Variants in MAF observed in about 807,000 individuals in gnomAD.
MAF encodes the protein transcription factor Maf.
MAF carries 10 observed loss-of-function variants against 22.0 expected under a neutral mutation model. The observed-to-expected ratio is 0.45, with a 90% CI of 0.28 to 0.77. The LOEUF is 0.77. Ranked by LOEUF, MAF falls within the 30% of genes least tolerant of loss-of-function variation. The probability of loss-of-function intolerance (pLI) is 0.12; values close to 1 mark genes in which losing one functional copy is unlikely to be tolerated. For missense variants in MAF, 544 were observed against 548.4 expected (o/e 0.99, Z 0.08); for synonymous variants, 337 against 255.8 (o/e 1.32, Z -3.03).
the MAF span, among the ~76,000 whole-genome samples, chr16:79,325,201 C>T: frequency 1.3e-5 from 2 of 152,092 alleles, no homozygotes; most frequent in Non-Finnish European, 2.9e-5. Flanking sequence ...GGGGGAACAC[C>T]GTTCAATCCA....
At chr16:79,235,460 G>T in the MAF span, among the ~76,000 whole-genome samples, 1 of 151,962 alleles carries the variant, frequency 6.6e-6, no homozygotes, top group Non-Finnish European at 1.5e-5. Context: ...TACACTGGAG[G>T]GAGGCTGAGG....
chr16:79,364,018 G>A, the MAF span, among the ~76,000 whole-genome samples: 1 of 152,098 alleles, frequency 6.6e-6, no homozygotes, highest in Non-Finnish European at 1.5e-5. Flanking sequence ...TGCCCGAAAA[G>A]CAACTCAAAG....
chr16:79,320,824 G>T, the MAF span, among the ~76,000 whole-genome samples: 28 of 152,298 alleles, frequency 1.8e-4, no homozygotes, highest in South Asian at 5.8e-3. Flanking sequence ...TGTGTTAAGT[G>T]TTTTATATAT....
downstream of MAF, among the ~76,000 whole-genome samples, chr16:79,585,078 T>C (rs1056598470): frequency 1.3e-5 from 2 of 152,150 alleles, no homozygotes; most frequent in East Asian, 3.8e-4. Context: ...AAAAATCAAA[T>C]GTACCATTAG....
the MAF span, among the ~76,000 whole-genome samples, chr16:79,300,003 A>G: frequency 6.6e-6 from 1 of 152,210 alleles, no homozygotes; most frequent in Non-Finnish European, 1.5e-5. Flanking sequence ...GTGATTGTGC[A>G]GGCTAGGGAG....
chr16:79,424,548 C>A, the MAF span, among the ~76,000 whole-genome samples: 1 of 152,100 alleles, frequency 6.6e-6, no homozygotes, highest in African/African-American at 2.4e-5. Context: ...GAATTCTATT[C>A]ATTTGTTTCT....
the MAF span, among the ~76,000 whole-genome samples, chr16:79,344,575 T>C: frequency 2.6e-5 from 4 of 152,170 alleles, no homozygotes; most frequent in Admixed American, 2.0e-4. Context: ...CTCAGACACA[T>C]TCAATCAAGT....
At chr16:79,403,834 C>T in the MAF span, among the ~76,000 whole-genome samples, 1 of 152,162 alleles carries the variant, frequency 6.6e-6, no homozygotes, top group East Asian at 1.9e-4. Flanking sequence ...AGGGACAGCA[C>T]TTTGAGGCTC....
chr16:79,284,945 G>A, the MAF span, among the ~76,000 whole-genome samples: 1 of 152,134 alleles, frequency 6.6e-6, no homozygotes, highest in Non-Finnish European at 1.5e-5. Flanking sequence ...AAGGCACGCG[G>A]CTCTCTTTAC....
intron 1 of MAF, chr16:79,596,131 C>CTA (rs1372763973): frequency 1.9e-6 from 2 of 1,062,290 alleles, no homozygotes; most frequent in African/African-American, 3.3e-5. Flanking sequence ...GCTCCTCTGT[C>CTA]TATGGATGGC....
At chr16:79,386,110 C>G in the MAF span, among the ~76,000 whole-genome samples, 1 of 152,100 alleles carries the variant, frequency 6.6e-6, no homozygotes, top group Non-Finnish European at 1.5e-5. Context: ...TTTTTGGCAC[C>G]AGGGACTGGT....
At chr16:79,503,338 T>A in the MAF span, among the ~76,000 whole-genome samples, 1 of 152,204 alleles carries the variant, frequency 6.6e-6, no homozygotes, top group Non-Finnish European at 1.5e-5. Context: ...AAAGCGACCA[T>A]CATTTAGATA....
chr16:79,373,268 T>G, the MAF span, among the ~76,000 whole-genome samples: 1 of 150,590 alleles, frequency 6.6e-6, no homozygotes, highest in Non-Finnish European at 1.5e-5. Context: ...GTGGGACCTT[T>G]AAGTGGTGAT....
At chr16:79,492,153 G>T in the MAF span, among the ~76,000 whole-genome samples, 1 of 152,276 alleles carries the variant, frequency 6.6e-6, no homozygotes, top group Non-Finnish European at 1.5e-5. Context: ...TTGAGGACCG[G>T]GTGCCTAACG....
At chr16:79,302,629 T>A in the MAF span, among the ~76,000 whole-genome samples, 1 of 152,236 alleles carries the variant, frequency 6.6e-6, no homozygotes, top group Admixed American at 6.5e-5. Context: ...AGTTTGGTAA[T>A]GAATGTGGCT....
the MAF span, among the ~76,000 whole-genome samples, chr16:79,552,498 C>T: frequency 1.3e-5 from 2 of 152,214 alleles, no homozygotes; most frequent in African/African-American, 4.8e-5. Flanking sequence ...TATAAGCCAC[C>T]TGTTCTCCCT....
At chr16:79,338,055 G>T in the MAF span, among the ~76,000 whole-genome samples, 35 of 152,282 alleles carry the variant, frequency 2.3e-4, no homozygotes, top group African/African-American at 8.4e-4. Context: ...TGTCTTTGAG[G>T]AGCCCATAGT....
the MAF span, among the ~76,000 whole-genome samples, chr16:79,291,925 TG>T: frequency 6.6e-6 from 1 of 151,150 alleles, no homozygotes; most frequent in Non-Finnish European, 1.5e-5. Flanking sequence ...TGCAGAGAAC[TG>T]GATGGTTCTC....
chr16:79,404,760 A>G, the MAF span, among the ~76,000 whole-genome samples: 1 of 152,108 alleles, frequency 6.6e-6, no homozygotes, highest in Non-Finnish European at 1.5e-5. Context: ...GAAATCTCAG[A>G]CTGACATAGG....
Sources: gnomAD v4.1 joint callset for allele counts (sites outside exome capture counted in the v4.1 genomes callset) on GRCh38, gnomAD v4.1.1 for gene constraint, MANE v1.5 for transcripts, NCBI Gene and HGNC (gene_info 2026-07-23, HGNC 2026-07-21) for gene names.